Variants in TSPEAR observed in about 807,000 individuals in gnomAD.
TSPEAR encodes thrombospondin type laminin G domain and EAR repeats, also known as thrombospondin-type laminin G domain and EAR repeat-containing protein.
TSPEAR carries 69 observed loss-of-function variants against 71.6 expected under a neutral mutation model. The observed-to-expected ratio is 0.96, with a 90% CI of 0.79 to 1.18. TSPEAR has a LOEUF of 1.18. Ranked by LOEUF, TSPEAR falls within the 50% of genes most tolerant of loss-of-function variation. The pLI is 0.00. For missense variants in TSPEAR, 971 were observed against 894.9 expected (o/e 1.09, Z -1.09); for synonymous variants, 402 against 387.2 (o/e 1.04, Z -0.45).
chr21:44,551,680 T>C (rs111490961), intron 2 of TSPEAR, among the ~76,000 whole-genome samples: 2 of 152,138 alleles, frequency 1.3e-5, no homozygotes, highest in South Asian at 2.1e-4. Context: ...CCATGACTTG[T>C]CCTCACTCTG....
intron 1 of TSPEAR, among the ~76,000 whole-genome samples, chr21:44,671,754 G>A (rs73234804): frequency 6.6e-6 from 1 of 152,250 alleles, no homozygotes; most frequent in Non-Finnish European, 1.5e-5. Context: ...TGTTATGTCA[G>A]ATGTGCAGAT....
In TSPEAR at chr21:44,687,061, C is replaced by T. The variant is rs1209122052; in HGVS notation, c.82+24372G>A. Among the ~76,000 whole-genome samples, 1 of 152,144 alleles carries T rather than the reference C, an allele frequency of 6.6e-6. No individual in the cohort carries two copies. The highest frequency in any genetic ancestry group is 1.5e-5 in the Non-Finnish European group (1 of 68,028). On this transcript the variant is annotated intron_variant, in intron 1 of 11. Transcript: ENST00000323084. The surrounding 1 kb of genome is among the most constrained non-coding windows in gnomAD (Gnocchi z 4.4). ...TCAGACGAGGATCTCTCAGCCAGGA[C>T]TCTTCTGGAGCCTGGAAACCAAGCC...
At position 44,711,564 on chromosome 21, in the gene TSPEAR, G is replaced by T; in HGVS notation, c.-50C>A. 6.4e-7 allele frequency: 1 copy of T among 1,565,222 alleles called. No homozygotes were observed. Among genetic ancestry groups the T allele is most frequent in the South Asian group, 1.2e-5 (1 of 86,184 alleles). On this transcript the variant is annotated 5_prime_UTR_variant, in exon 1 of 12. Transcript: ENST00000323084. The surrounding 1 kb of genome is among the most constrained non-coding windows in gnomAD (Gnocchi z 4.5). Reference sequence around the variant, plus strand: ...TCCAGGGCTCCGCTCAGCCTGCAGGGAAGTGGCTGCTCCTCAGACGTCTGC... The same window carrying T: ...TCCAGGGCTCCGCTCAGCCTGCAGGTAAGTGGCTGCTCCTCAGACGTCTGC...
At chr21:44,515,510 A>AC (rs1322228134) in intron 9 of TSPEAR, 3 of 151,536 alleles carry the variant, frequency 2.0e-5, no homozygotes, top group Middle Eastern at 3.4e-3. Context: ...GATGTCACCC[A>AC]CCCCTTGGGA....
In TSPEAR at chr21:44,558,415, C is replaced by T. The variant is rs782063518; in HGVS notation, c.303+9370G>A. The stretch of plus-strand genomic sequence containing the variant: ...CAGACTGGCTTGCAGCAGACAGGCA[C>T]GCAGCAGGCCTGCTGGCAGGGGGAG... On this transcript the variant is annotated intron_variant, in intron 2 of 11. Coordinates refer to ENST00000323084, the MANE Select transcript of TSPEAR (RefSeq NM_144991.3). The T allele has an allele frequency of 4.1e-5, 66 of 1,613,694 alleles. 1 individual carries two copies. The highest frequency in any genetic ancestry group is 2.7e-4 in the Admixed American group (16 of 59,990).
chr21:44,539,877 A>G, intron 2 of TSPEAR: 3 of 1,573,912 alleles, frequency 1.9e-6, no homozygotes, highest in South Asian at 2.3e-5. Flanking sequence ...CAGGGGGAGG[A>G]GGTGCAGCAA....
intron 1 of TSPEAR, among the ~76,000 whole-genome samples, chr21:44,703,531 G>T (rs138025434): frequency 6.6e-6 from 1 of 152,318 alleles, no homozygotes; most frequent in East Asian, 1.9e-4. Context: ...GCTGAGTGTC[G>T]CTGTGGTCAA....
intron 1 of TSPEAR, among the ~76,000 whole-genome samples, chr21:44,694,861 C>A (rs1555950252): frequency 6.6e-6 from 1 of 152,172 alleles, no homozygotes; most frequent in South Asian, 2.1e-4. Context: ...TTCCCGTGAG[C>A]CGGTGCAGCA....
At chr21:44,541,552 T>G (rs1439193277) in intron 2 of TSPEAR, among the ~76,000 whole-genome samples, 1 of 152,184 alleles carries the variant, frequency 6.6e-6, no homozygotes, top group Non-Finnish European at 1.5e-5. Context: ...TCCTTGTGGA[T>G]TTTCTTACTG....
intron 1 of TSPEAR, chr21:44,638,113 C>A (rs782149321): frequency 2.5e-6 from 4 of 1,613,494 alleles, no homozygotes; most frequent in Non-Finnish European, 3.4e-6. Context: ...TCCTCTGCCG[C>A]CCCGTGTGCT....
chr21:44,526,810 C>A (rs2052865131), intron 7 of TSPEAR, among the ~76,000 whole-genome samples: 2 of 152,242 alleles, frequency 1.3e-5, no homozygotes, highest in Non-Finnish European at 2.9e-5. Context: ...CGACCCTCTG[C>A]CCAGAGCAGC....
At chr21:44,637,233 A>T (rs1983635473) in intron 1 of TSPEAR, 1 of 801,806 alleles carries the variant, frequency 1.2e-6, no homozygotes, top group Admixed American at 2.7e-5. Context: ...GGAAGCAGAA[A>T]TAATGAGGGT....
At chr21:44,620,382 A>G (rs77452161) in intron 1 of TSPEAR, among the ~76,000 whole-genome samples, 6,133 of 152,344 alleles carry the variant, frequency 0.04, 424 homozygotes, top group African/African-American at 0.14. Context: ...AAAGGTCAAC[A>G]GCAAAGGTAG....
intron 2 of TSPEAR, among the ~76,000 whole-genome samples, chr21:44,567,432 G>A (rs1200058985): frequency 6.6e-6 from 1 of 152,146 alleles, no homozygotes; most frequent in Non-Finnish European, 1.5e-5. Flanking sequence ...GTTAGATTTG[G>A]GATTGATGGC....
intron 1 of TSPEAR, chr21:44,677,912 A>T: frequency 7.1e-7 from 1 of 1,398,958 alleles, no homozygotes; most frequent in Non-Finnish European, 1.0e-6. Context: ...TAGTGCCACC[A>T]ATACCTCCAC....
chr21:44,576,548 T>A (rs1408913624), intron 1 of TSPEAR, among the ~76,000 whole-genome samples: 1 of 151,836 alleles, frequency 6.6e-6, no homozygotes, highest in Non-Finnish European at 1.5e-5. Context: ...ATGCCCATGG[T>A]TTTCAGCAAC....
chr21:44,555,166 G>A (rs782604607), intron 2 of TSPEAR, among the ~76,000 whole-genome samples: 12 of 152,208 alleles, frequency 7.9e-5, no homozygotes, highest in Admixed American at 2.0e-4. Context: ...CCATGAAAAC[G>A]TGAGGAGGAG....
At chr21:44,682,797 A>C (rs1986669492) in intron 1 of TSPEAR, among the ~76,000 whole-genome samples, 1 of 152,222 alleles carries the variant, frequency 6.6e-6, no homozygotes. Flanking sequence ...TCAGAGCAGA[A>C]TACAGTGACC....
intron 1 of TSPEAR, among the ~76,000 whole-genome samples, chr21:44,578,787 C>A (rs112167580): frequency 2.6e-5 from 4 of 152,180 alleles, no homozygotes; most frequent in African/African-American, 9.7e-5. Flanking sequence ...TCCCCCAGGT[C>A]TCAGCAGGGC....
Sources: gnomAD v4.1 joint callset for allele counts (sites outside exome capture counted in the v4.1 genomes callset) on GRCh38, gnomAD v4.1.1 for gene constraint, Gnocchi (gnomAD v3.1) non-coding constraint, MANE v1.5 for transcripts, NCBI Gene and HGNC (gene_info 2026-07-23, HGNC 2026-07-21) for gene names.